ZBED1: variants seen among roughly 807,000 people sequenced by gnomAD.
ZBED1 encodes the protein E3 SUMO-protein ligase ZBED1.
ZBED1 carries 19 observed loss-of-function variants against 49.7 expected under a neutral mutation model. That is an observed-to-expected ratio of 0.38 (90% CI 0.27 to 0.56). The LOEUF is 0.56. ZBED1 is among the 20% of genes least tolerant of loss of function. The pLI is 0.70. For missense variants in ZBED1, 806 were observed against 972.6 expected (o/e 0.83, Z 2.28); for synonymous variants, 439 against 440.3 (o/e 1.00, Z 0.04).
intron 1 of ZBED1, among the ~76,000 whole-genome samples, chrX:2,498,331 A>G (rs1260705483): frequency 1.3e-5 from 2 of 152,218 alleles, no homozygotes; most frequent in Admixed American, 6.5e-5. Context: ...ACAAAGTTCA[A>G]TGTTTCCTCA....
At position 2,488,515 on chromosome X, in the gene ZBED1, A is replaced by C; in HGVS notation, c.*120T>G. On this transcript the variant is annotated 3_prime_UTR_variant, in exon 2 of 2. Coordinates refer to ENST00000652001, the MANE Select transcript of ZBED1 (RefSeq NM_001171136.2). ...AATCTCTTTCCTTTTTCCACCTTCT[A>C]GGTGTCAAAGACAGTGGATGGTCTC... 3 of 1,264,914 alleles carry C rather than the reference A, an allele frequency of 2.4e-6. No individual in the cohort carries two copies. Among genetic ancestry groups the C allele is most frequent in the Admixed American group, 2.9e-5 (1 of 33,910 alleles). 78.4% of individuals were successfully genotyped at this position (1,264,914 alleles called of 1,614,324 possible). A position where few individuals can be genotyped will look rare whatever the true frequency, so the allele number is the denominator to read the frequency against.
chrX:2,496,537 A>C (rs1192677065), intron 1 of ZBED1, among the ~76,000 whole-genome samples: 2 of 152,154 alleles, frequency 1.3e-5, no homozygotes, highest in Non-Finnish European at 2.9e-5. Context: ...TGCAGTGTAT[A>C]CTGCTTGGGT....
chrX:2,500,830 G>T lies in ZBED1; in HGVS notation c.-67C>A. The T allele has an allele frequency of 8.9e-7, 1 of 1,129,494 alleles. No homozygotes were observed. The highest frequency in any genetic ancestry group is 1.1e-6 in the Non-Finnish European group (1 of 921,374). 70.0% of individuals were successfully genotyped at this position (1,129,494 alleles called of 1,614,324 possible). A position where few individuals can be genotyped will look rare whatever the true frequency, so the allele number is the denominator to read the frequency against. On this transcript the variant is annotated 5_prime_UTR_variant, in exon 1 of 2. Coordinates refer to ENST00000652001, the MANE Select transcript of ZBED1 (RefSeq NM_001171136.2). ...CGCCCCGCTGACCTGGCTCCAGGAAGCCCCCGCGGCAGCGCCGCAGCAGCT... is the reference window on the plus strand; with the variant it reads ...CGCCCCGCTGACCTGGCTCCAGGAATCCCCCGCGGCAGCGCCGCAGCAGCT...
At chrX:2,499,068 C>T (rs1030090764) in intron 1 of ZBED1, among the ~76,000 whole-genome samples, 81 of 152,140 alleles carry the variant, frequency 5.3e-4, no homozygotes, top group Non-Finnish European at 1.0e-4. Flanking sequence ...GAGAGAGGCT[C>T]ATTTTAAAAC....
chrX:2,494,899 C>A (rs1244262164), intron 1 of ZBED1, among the ~76,000 whole-genome samples: 4 of 151,538 alleles, frequency 2.6e-5, no homozygotes, highest in Non-Finnish European at 4.4e-5. Flanking sequence ...GGTTTATATT[C>A]TATTATTATT....
chrX:2,494,269 C>T (rs2045228624), intron 1 of ZBED1, among the ~76,000 whole-genome samples: 1 of 150,824 alleles, frequency 6.6e-6, no homozygotes, highest in African/African-American at 2.4e-5. Context: ...TATATTATTA[C>T]ATTATTATTA....
chrX:2,491,611 T>C (rs2045147627), intron 1 of ZBED1, among the ~76,000 whole-genome samples: 2 of 152,108 alleles, frequency 1.3e-5, no homozygotes, highest in African/African-American at 4.8e-5. Context: ...AAAGCCAGCT[T>C]TCCTATGGCT....
chrX:2,493,480 T>C (rs2045209514), intron 1 of ZBED1, among the ~76,000 whole-genome samples: 1 of 151,488 alleles, frequency 6.6e-6, no homozygotes, highest in Non-Finnish European at 1.5e-5. Context: ...TCATTATTAT[T>C]ATTATTATGT....
In ZBED1 at chrX:2,488,520, T is replaced by C; in HGVS notation, c.*115A>G. ...CTTTCCTTTTTCCACCTTCTAGGTG[T>C]CAAAGACAGTGGATGGTCTCTGAGG... On this transcript the variant is annotated 3_prime_UTR_variant, in exon 2 of 2. Transcript: ENST00000652001. 2 of 1,330,354 alleles carry C rather than the reference T, an allele frequency of 1.5e-6. No homozygotes were observed. The highest frequency in any genetic ancestry group is 2.0e-6 in the Non-Finnish European group (2 of 987,364). 82.4% of individuals were successfully genotyped at this position (1,330,354 alleles called of 1,614,324 possible). A position where few individuals can be genotyped will look rare whatever the true frequency, so the allele number is the denominator to read the frequency against.
Position 2,488,341 on chromosome X carries a change from AT to A in ZBED1, c.*293del. 2.7e-6 allele frequency: 1 copy of A among 372,626 alleles called. No individual in the cohort carries two copies. The highest frequency in any genetic ancestry group is 4.7e-6 in the Non-Finnish European group (1 of 211,216). 23.1% of individuals were successfully genotyped at this position (372,626 alleles called of 1,614,324 possible). On this transcript the variant is annotated 3_prime_UTR_variant, in exon 2 of 2. Coordinates refer to ENST00000652001, the MANE Select transcript of ZBED1 (RefSeq NM_001171136.2). ...AGGCACATGCCATCAGTCCTGGCTA[AT>A]TTTTGTATTTTTAGTAGAGACGGGG... is the stretch of plus-strand genomic sequence containing the variant.
Position 2,489,427 on chromosome X carries a change from G to A in ZBED1, c.1293C>T (p.Asn431=), listed in dbSNP as rs774004140. The change falls in exon 2 of 2, where the codon AAC becomes AAT. Residue 431 remains asparagine (N), a synonymous_variant. Transcript: ENST00000652001. The part of the protein sequence containing the change: ...MVKPLLHMLL[N]TTLNIKETDS... ...CGGTCTCCTTGATGTTGAGCGTGGT[G>A]TTCAGGAGCATGTGCAGCAGCGGCT... The A allele has an allele frequency of 1.9e-6, 3 of 1,613,942 alleles. No homozygotes were observed. The highest frequency in any genetic ancestry group is 2.5e-6 in the Non-Finnish European group (3 of 1,179,866).
Position 2,489,616 on chromosome X carries a change from C to A in ZBED1, c.1104G>T (p.Gln368His). Residue 368 changes from glutamine to histidine, a missense_variant, in exon 2 of 2, where the codon CAG becomes CAT. This residue lies in a region of ZBED1 where 749 missense variants were observed against 861.3 expected (regional missense o/e 0.87). Transcript: ENST00000652001. ...CCACCAAGACCCCGGCGATGACGAA[C>A]TGCTGCTCCTTGAGGCGCTGCAGCA... ...LAMLQRLKEQ[Q>H]FVIAGVLVED... The A allele has an allele frequency of 6.2e-7, 1 of 1,612,732 alleles. No homozygotes were observed.
rs2044965747 is a variant in ZBED1 at position 2,487,269 on chromosome X, A to T, written c.*1366T>A. 1 of 152,206 alleles carries T rather than the reference A, an allele frequency of 6.6e-6. No homozygotes were observed. The highest frequency in any genetic ancestry group is 1.5e-5 in the Non-Finnish European group (1 of 68,040). 9.4% of individuals were successfully genotyped at this position (152,206 alleles called of 1,614,324 possible). On this transcript the variant is annotated 3_prime_UTR_variant, in exon 2 of 2. Transcript: ENST00000652001. ...ATCAAGAGTCCTTTCCGGTAATCAA[A>T]TCAAAAACACCTTATGTGGAAAAGC...
At chrX:2,498,545 G>C (rs2045336416) in intron 1 of ZBED1, among the ~76,000 whole-genome samples, 1 of 150,068 alleles carries the variant, frequency 6.7e-6, no homozygotes, top group Non-Finnish European at 1.5e-5. Flanking sequence ...CCCGGGTACA[G>C]ATTCCCTTGG....
intron 1 of ZBED1, among the ~76,000 whole-genome samples, chrX:2,491,264 T>C (rs2045136262): frequency 6.6e-6 from 1 of 152,082 alleles, no homozygotes; most frequent in Non-Finnish European, 1.5e-5. Context: ...GAGACAGGGT[T>C]TCACCATGTT....
In ZBED1 at chrX:2,490,405, G is replaced by A. The variant is rs368165190; in HGVS notation, c.315C>T (p.Pro105=). 37 of 1,613,818 alleles carry A rather than the reference G, an allele frequency of 2.3e-5. No homozygotes were observed. The highest frequency in any genetic ancestry group is 4.5e-5 in the East Asian group (2 of 44,872). The part of the protein sequence containing the change: ...SKLKPESSQQ[P]GQDALAVKAG... ...CCTTGACGGCCAGCGCGTCCTGCCCGGGCTGCTGGGACGACTCGGGCTTCA... is the reference window on the plus strand; with the variant it reads ...CCTTGACGGCCAGCGCGTCCTGCCCAGGCTGCTGGGACGACTCGGGCTTCA... The change falls in exon 2 of 2, where the codon CCC becomes CCT. Residue 105 remains proline (P), a synonymous_variant. Transcript: ENST00000652001.
Position 2,488,865 on chromosome X carries a change from CAG to C in ZBED1, c.1853_1854del (p.Pro618ArgfsTer31). Reference protein sequence around the residue: ...YWCVTATRVAPERLFGSAANV... With the variant: ...YWCVTATRVAXERLFGSAANV... Reference sequence around the variant, plus strand: ...TTGGCGGCGGATCCGAAGAGACGCTCAGGGGCGACGCGCGTGGCCGTCACGCA... The same window carrying C: ...TTGGCGGCGGATCCGAAGAGACGCTCGGGCGACGCGCGTGGCCGTCACGCA... On this transcript the variant is annotated frameshift_variant, in exon 2 of 2. Transcript: ENST00000652001. LOFTEE classifies it high-confidence loss of function. 6.2e-7 allele frequency: 1 copy of C among 1,613,270 alleles called. No homozygotes were observed. The highest frequency in any genetic ancestry group is 8.5e-7 in the Non-Finnish European group (1 of 1,179,548).
rs756811443 is a variant in ZBED1, at chrX:2,490,352, T to C, written c.368A>G (p.Gln123Arg). 1 of 1,613,410 alleles carries C rather than the reference T, an allele frequency of 6.2e-7. No homozygotes were observed. Among genetic ancestry groups the C allele is most frequent in the South Asian group, 1.1e-5 (1 of 91,030 alleles). ...CAGCACGGCGGCCGTCAGCTCCTGCTGCTTCTTGCTGTCGTAGCCGTGGCC... is the reference window on the plus strand; with the variant it reads ...CAGCACGGCGGCCGTCAGCTCCTGCCGCTTCTTGCTGTCGTAGCCGTGGCC... ...KAGHGYDSKK[Q>R]QELTAAVLGL... Residue 123 changes from glutamine to arginine, a missense_variant, in exon 2 of 2, where the codon CAG becomes CGG. By Grantham distance (43) the Gln-to-Arg change is conservative (BLOSUM62 1). Around this residue, in one of 2 missense-constraint regions of ZBED1, gnomAD observed 749 missense variants for 861.3 expected, o/e 0.87. Coordinates refer to ENST00000652001, the MANE Select transcript of ZBED1 (RefSeq NM_001171136.2).
In ZBED1 at chrX:2,489,558, C is replaced by T. The variant is rs894732929; in HGVS notation, c.1162G>A (p.Ala388Thr). ...CCCTCGATGGTGGCCCACTCGCTGG[C>T]CTCCAGCATGAGGTGGTGGTTGTTG... ...DSNNHHLMLE[A>T]SEWATIEGLV... Residue 388 changes from alanine to threonine, a missense_variant, in exon 2 of 2, where the codon GCC (alanine) becomes ACC (threonine). Physicochemically the swap from Ala to Thr is moderately conservative, Grantham distance 58 (BLOSUM62 0). Transcript: ENST00000652001. 1.2e-6 allele frequency: 2 copies of T among 1,612,638 alleles called. No individual in the cohort carries two copies. Among genetic ancestry groups the T allele is most frequent in the Non-Finnish European group, 1.7e-6 (2 of 1,179,856 alleles).
Sources: gnomAD v4.1 joint callset for allele counts (sites outside exome capture counted in the v4.1 genomes callset) on GRCh38, gnomAD v4.1.1 for gene constraint, gnomAD v4.1.1 regional missense constraint, MANE v1.5 for transcripts, NCBI Gene and HGNC (gene_info 2026-07-23, HGNC 2026-07-21) for gene names.